The following C11orf87 variants were observed in gnomAD, a reference collection of about 807,000 sequenced individuals.
C11orf87 encodes uncharacterized protein C11orf87.
Under a neutral mutation model 9.2 loss-of-function variants are expected in C11orf87, and 3 were observed. That is an observed-to-expected ratio of 0.33 (90% CI 0.15 to 0.84). The LOEUF is 0.84. Among genes scored for constraint, C11orf87 ranks in the 40% least tolerant of loss-of-function variants. The probability of loss-of-function intolerance (pLI) is 0.55; values close to 1 mark genes in which losing one functional copy is unlikely to be tolerated. For missense variants in C11orf87, 256 were observed against 270.7 expected (o/e 0.95, Z 0.38); for synonymous variants, 124 against 124.6 (o/e 1.00, Z 0.03).
chr11:109,423,964 G>C lies in C11orf87; in HGVS notation c.331G>C (p.Gly111Arg). ...GCGGGATCACTGCAGCGGCAGCCGC[G>C]GTGGCGGGGGGCTGCCCCGACCTGG... ...YERDHCSGSR[G>R]GGGLPRPGRQ... The change falls in exon 2 of 2, where the codon GGT (glycine) becomes CGT (arginine). Residue 111 changes from glycine (G) to arginine (R), a missense_variant. Gly to Arg is a moderately radical substitution (Grantham distance 125, BLOSUM62 -2). Transcript: ENST00000327419. This position sits in a 1 kb window ranked among gnomAD's most constrained non-coding sequence, Gnocchi z 5.3. 6.2e-7 allele frequency: 1 copy of C among 1,613,910 alleles called. No individual in the cohort carries two copies. The highest frequency in any genetic ancestry group is 8.5e-7 in the Non-Finnish European group (1 of 1,179,832).
rs781154026 is a variant in C11orf87 at position 109,423,610 on chromosome 11, C to T, written c.-24C>T. On this transcript the variant is annotated 5_prime_UTR_variant, in exon 2 of 2. Coordinates refer to ENST00000327419, the MANE Select transcript of C11orf87 (RefSeq NM_207645.4). The surrounding 1 kb of genome is among the most constrained non-coding windows in gnomAD (Gnocchi z 5.3). Reference sequence around the variant, plus strand: ...GCCCAAGAGGGGAAGCCTAGTGGGCCTGGCCCCTCCCAGCCCCGCGCCAAT... The same window carrying T: ...GCCCAAGAGGGGAAGCCTAGTGGGCTTGGCCCCTCCCAGCCCCGCGCCAAT... 8 of 1,571,626 alleles carry T rather than the reference C, an allele frequency of 5.1e-6. No individual in the cohort carries two copies. In the Admixed American group the frequency reaches 1.3e-4, roughly 25 times the overall value.
chr11:109,429,119 CT>C lies in C11orf87; in HGVS notation c.*4897del, dbSNP rs1164883716. 1 of 152,120 alleles carries C rather than the reference CT, an allele frequency of 6.6e-6. No homozygotes were observed. Among genetic ancestry groups the C allele is most frequent in the Non-Finnish European group, 1.5e-5 (1 of 68,006 alleles). The allele number at this position is 152,120 out of a possible 1,614,324, so 9.4% of individuals were successfully genotyped here. On this transcript the variant is annotated 3_prime_UTR_variant, in exon 2 of 2. Transcript: ENST00000327419. Reference sequence around the variant, plus strand: ...ATAAAAGAGTTTTCTTGTTAATTGGCTTTTTGGACACTATTTCCTTGCCAAT... The same window carrying C: ...ATAAAAGAGTTTTCTTGTTAATTGGCTTTTGGACACTATTTCCTTGCCAAT...
chr11:109,425,643 GAAAC>G lies in C11orf87; in HGVS notation c.*1424_*1427del, dbSNP rs112256840. Reference sequence around the variant, plus strand: ...AAATAATAGAAAAAACACAACCACAGAAACAAACAAATAATGGATGTGCAAGAAT... The same window carrying G: ...AAATAATAGAAAAAACACAACCACAGAAACAAATAATGGATGTGCAAGAAT... On this transcript the variant is annotated 3_prime_UTR_variant, in exon 2 of 2. Coordinates refer to ENST00000327419, the MANE Select transcript of C11orf87 (RefSeq NM_207645.4). 289 of 160,096 alleles carry G rather than the reference GAAAC, an allele frequency of 1.8e-3. 1 individual carries two copies. The highest frequency in any genetic ancestry group is 3.1e-3 in the Non-Finnish European group (212 of 68,054). 9.9% of individuals were successfully genotyped at this position (160,096 alleles called of 1,614,324 possible).
At chr11:109,422,657 A>C (rs570403632) in intron 1 of C11orf87, among the ~76,000 whole-genome samples, 46 of 150,372 alleles carry the variant, frequency 3.1e-4, no homozygotes, top group African/African-American at 1.1e-3. Flanking sequence ...AGTTGGGGGC[A>C]CAGGGAAATG....
rs1266536467 is a variant in C11orf87, at chr11:109,425,624, T to G, written c.*1397T>G. ...GCTTTATTTTTTCTTTTGCAAATAA[T>G]AGAAAAAACACAACCACAGAAACAA... On this transcript the variant is annotated 3_prime_UTR_variant, in exon 2 of 2. Transcript: ENST00000327419. 1.2e-5 allele frequency: 2 copies of G among 163,254 alleles called. No homozygotes were observed. The highest frequency in any genetic ancestry group is 4.8e-5 in the African/African-American group (2 of 41,440). 10.1% of individuals were successfully genotyped at this position (163,254 alleles called of 1,614,324 possible). A position where few individuals can be genotyped will look rare whatever the true frequency, so the allele number is the denominator to read the frequency against.
Position 109,423,175 on chromosome 11 carries a change from T to C in C11orf87, c.-259-200T>C, listed in dbSNP as rs1860517379. On this transcript the variant is annotated intron_variant, in intron 1 of 1. Transcript: ENST00000327419. The surrounding 1 kb of genome is among the most constrained non-coding windows in gnomAD (Gnocchi z 5.3). ...CGGTGCCGGCGCAGACCCCATCCTG[T>C]CGAGTGGCATGAGCAGGCTGCTGGT... Among the ~76,000 whole-genome samples, 1 of 152,130 alleles carries C rather than the reference T, an allele frequency of 6.6e-6. No individual in the cohort carries two copies. Among genetic ancestry groups the C allele is most frequent in the Admixed American group, 6.5e-5 (1 of 15,270 alleles).
Position 109,424,070 on chromosome 11 carries a change from C to A in C11orf87, c.437C>A (p.Ala146Asp). ...TCTCCCTTCTGCGCCCCTTCCAACG[C>A]CTCGTCGTTGTCCTCTTCGTCCCCT... Reference protein sequence around the residue: ...RDSPFCAPSNASSLSSSSPGL... With the variant: ...RDSPFCAPSNDSSLSSSSPGL... The change falls in exon 2 of 2, where the codon GCC becomes GAC. Residue 146 changes from alanine to aspartate, a missense_variant. Transcript: ENST00000327419. The surrounding 1 kb of genome is among the most constrained non-coding windows in gnomAD (Gnocchi z 4.7). 1 of 1,613,994 alleles carries A rather than the reference C, an allele frequency of 6.2e-7. No individual in the cohort carries two copies. Among genetic ancestry groups the A allele is most frequent in the Non-Finnish European group, 8.5e-7 (1 of 1,180,018 alleles).
At position 109,423,499 on chromosome 11, in the gene C11orf87, G is replaced by C. The variant is rs1190813306; in HGVS notation, c.-135G>C. 1.1e-6 allele frequency: 1 copy of C among 904,896 alleles called. No homozygotes were observed. The highest frequency in any genetic ancestry group is 2.9e-5 in the Admixed American group (1 of 34,350). 56.1% of individuals were successfully genotyped at this position (904,896 alleles called of 1,614,324 possible). A position where few individuals can be genotyped will look rare whatever the true frequency, so the allele number is the denominator to read the frequency against. ...GCCAGCAGTTGCTCCCTTAGTCCTT[G>C]GCTCGCTCGCACACCCCCTCCCGCT... On this transcript the variant is annotated 5_prime_UTR_variant, in exon 2 of 2. Transcript: ENST00000327419. This position sits in a 1 kb window ranked among gnomAD's most constrained non-coding sequence, Gnocchi z 5.3.
intron 1 of C11orf87, among the ~76,000 whole-genome samples, chr11:109,422,920 G>A (rs887453890): frequency 5.3e-5 from 8 of 151,704 alleles, no homozygotes; most frequent in African/African-American, 1.9e-4. Flanking sequence ...TGGACGGGGA[G>A]GGAAAGGAAG....
chr11:109,422,722 C>CTTTTTT lies in C11orf87; in HGVS notation c.-260+480_-260+485dup, dbSNP rs772868114. Among the ~76,000 whole-genome samples, 78 of 71,426 alleles carry CTTTTTT rather than the reference C, an allele frequency of 1.1e-3. 15 individuals carry two copies. The highest frequency in any genetic ancestry group is 5.3e-3 in the African/African-American group (77 of 14,490). The allele number at this position is 71,426 out of a possible 152,430, so 46.9% of individuals were successfully genotyped here. Reference sequence around the variant, plus strand: ...TCAGCTGAGAAAGATGCTTCAGCTGCTTTTTTTTTTTTTTTTTTTTTTTTT... The same window carrying CTTTTTT: ...TCAGCTGAGAAAGATGCTTCAGCTGCTTTTTTTTTTTTTTTTTTTTTTTTTTTTTTT... On this transcript the variant is annotated intron_variant, in intron 1 of 1. Coordinates refer to ENST00000327419, the MANE Select transcript of C11orf87 (RefSeq NM_207645.4).
Position 109,422,228 on chromosome 11 carries a change from C to CG in C11orf87, c.-290dup. ...TGCAGCCGCCACTGCAGCCGCGCGG[C>CG]GGGGGCTCCCTCCTTGCAGCCAGCC... is the stretch of plus-strand genomic sequence containing the variant. On this transcript the variant is annotated 5_prime_UTR_variant, in exon 1 of 2. Transcript: ENST00000327419. 5.0e-6 allele frequency: 1 copy of CG among 199,774 alleles called. No individual in the cohort carries two copies. The highest frequency in any genetic ancestry group is 1.0e-5 in the Non-Finnish European group (1 of 98,202). 12.4% of individuals were successfully genotyped at this position (199,774 alleles called of 1,614,324 possible).
At position 109,423,616 on chromosome 11, in the gene C11orf87, C is replaced by T. The variant is rs779475943; in HGVS notation, c.-18C>T. 3.8e-6 allele frequency: 6 copies of T among 1,578,618 alleles called. No homozygotes were observed. The East Asian group carries it at 9.1e-5, about 24-fold the overall frequency. On this transcript the variant is annotated 5_prime_UTR_variant, in exon 2 of 2. Transcript: ENST00000327419. This position sits in a 1 kb window ranked among gnomAD's most constrained non-coding sequence, Gnocchi z 5.3. The stretch of plus-strand genomic sequence containing the variant: ...GAGGGGAAGCCTAGTGGGCCTGGCC[C>T]CTCCCAGCCCCGCGCCAATGAGTGC...
Position 109,423,546 on chromosome 11 carries a change from C to A in C11orf87, c.-88C>A. 7.4e-7 allele frequency: 1 copy of A among 1,346,100 alleles called. No individual in the cohort carries two copies. 83.4% of individuals were successfully genotyped at this position (1,346,100 alleles called of 1,614,324 possible). ...CGCTACAGGGAGCAGTTTTGGGTGG[C>A]GTGGGCTCCGTCCTCTTCTTGGCTG... On this transcript the variant is annotated 5_prime_UTR_variant, in exon 2 of 2. Coordinates refer to ENST00000327419, the MANE Select transcript of C11orf87 (RefSeq NM_207645.4). The surrounding 1 kb of genome is among the most constrained non-coding windows in gnomAD (Gnocchi z 5.3).
Position 109,424,289 on chromosome 11 carries a change from C to T in C11orf87, c.*62C>T. On this transcript the variant is annotated 3_prime_UTR_variant, in exon 2 of 2. Coordinates refer to ENST00000327419, the MANE Select transcript of C11orf87 (RefSeq NM_207645.4). This position sits in a 1 kb window ranked among gnomAD's most constrained non-coding sequence, Gnocchi z 4.7. The stretch of plus-strand genomic sequence containing the variant: ...GCATCTTTGCCACCCTTGCTTTTTT[C>T]CTTCTTCCTTCCTTTTCCATTTTCC... 1 of 1,349,636 alleles carries T rather than the reference C, an allele frequency of 7.4e-7. No homozygotes were observed. Among genetic ancestry groups the T allele is most frequent in the Non-Finnish European group, 1.0e-6 (1 of 968,942 alleles). 83.6% of individuals were successfully genotyped at this position (1,349,636 alleles called of 1,614,324 possible). A position where few individuals can be genotyped will look rare whatever the true frequency, so the allele number is the denominator to read the frequency against.
At position 109,423,437 on chromosome 11, in the gene C11orf87, T is replaced by A; in HGVS notation, c.-197T>A. The A allele has an allele frequency of 3.4e-6, 2 of 590,244 alleles. No homozygotes were observed. Among genetic ancestry groups the A allele is most frequent in the Non-Finnish European group, 5.9e-6 (2 of 336,218 alleles). 36.6% of individuals were successfully genotyped at this position (590,244 alleles called of 1,614,324 possible). A position where few individuals can be genotyped will look rare whatever the true frequency, so the allele number is the denominator to read the frequency against. ...GTGTTCGAGGTGGTATCGGCGAGGATCTCTCGGGCGCCGCTCACTCCTTGG... is the reference window on the plus strand; with the variant it reads ...GTGTTCGAGGTGGTATCGGCGAGGAACTCTCGGGCGCCGCTCACTCCTTGG... On this transcript the variant is annotated 5_prime_UTR_variant, in exon 2 of 2. Coordinates refer to ENST00000327419, the MANE Select transcript of C11orf87 (RefSeq NM_207645.4). The surrounding 1 kb of genome is among the most constrained non-coding windows in gnomAD (Gnocchi z 5.3).
intron 1 of C11orf87, 55 bp downstream of exon 1, chr11:109,422,318 G>A (rs917984795): frequency 1.8e-5 from 3 of 169,684 alleles, no homozygotes; most frequent in African/African-American, 7.2e-5. Flanking sequence ...CTGACGGCCA[G>A]GTGCGAGTGG....
Position 109,423,225 on chromosome 11 carries a change from G to A in C11orf87, c.-259-150G>A. 1 of 240,750 alleles carries A rather than the reference G, an allele frequency of 4.2e-6. No individual in the cohort carries two copies. Among genetic ancestry groups the A allele is most frequent in the Non-Finnish European group, 8.0e-6 (1 of 125,206 alleles). 14.9% of individuals were successfully genotyped at this position (240,750 alleles called of 1,614,324 possible). A position where few individuals can be genotyped will look rare whatever the true frequency, so the allele number is the denominator to read the frequency against. ...TGGCTCTGGTGCACGGCCACGGGCC[G>A]GCAGGCTGGGGTCCGCTGACCGAAA... On this transcript the variant is annotated intron_variant, in intron 1 of 1. Coordinates refer to ENST00000327419, the MANE Select transcript of C11orf87 (RefSeq NM_207645.4). This position sits in a 1 kb window ranked among gnomAD's most constrained non-coding sequence, Gnocchi z 5.3.
At chr11:109,422,641 CT>C (rs1860506747) in intron 1 of C11orf87, among the ~76,000 whole-genome samples, 1 of 151,412 alleles carries the variant, frequency 6.6e-6, no homozygotes, top group African/African-American at 2.4e-5. Context: ...AAGCAGGCTA[CT>C]GCCAAGTTGG....
In C11orf87 at chr11:109,422,217, C is replaced by CA. The variant is rs1258841045; in HGVS notation, c.-305dup. On this transcript the variant is annotated 5_prime_UTR_variant, in exon 1 of 2. Coordinates refer to ENST00000327419, the MANE Select transcript of C11orf87 (RefSeq NM_207645.4). ...TCCACGCTTTCTGCAGCCGCCACTG[C>CA]AGCCGCGCGGCGGGGGCTCCCTCCT... 2 of 202,732 alleles carry CA rather than the reference C, an allele frequency of 9.9e-6. No homozygotes were observed. The highest frequency in any genetic ancestry group is 2.0e-5 in the Non-Finnish European group (2 of 100,116). The allele number at this position is 202,732 out of a possible 1,614,324, so 12.6% of individuals were successfully genotyped here.
Sources: allele counts gnomAD v4.1 joint callset (sites outside exome capture counted in the v4.1 genomes callset), GRCh38; gene constraint gnomAD v4.1.1; non-coding constraint Gnocchi (gnomAD v3.1); transcripts MANE v1.5; gene names NCBI Gene and HGNC (gene_info 2026-07-23, HGNC 2026-07-21).